Variants in L3MBTL3 observed in about 807,000 individuals in gnomAD.
L3MBTL3 encodes lethal(3)malignant brain tumor-like protein 3.
L3MBTL3 carries 27 observed loss-of-function variants against 102.3 expected under a neutral mutation model. The observed-to-expected ratio is 0.26, with a 90% CI of 0.19 to 0.36. The LOEUF is 0.36. Ranked by LOEUF, L3MBTL3 falls within the 10% of genes least tolerant of loss-of-function variation. L3MBTL3 has a pLI of 1.00. For missense variants in L3MBTL3, 798 were observed against 955.3 expected (o/e 0.84, Z 2.17); for synonymous variants, 340 against 320.9 (o/e 1.06, Z -0.64).
chr6:130,065,694 G>A (rs1782200692), intron 10 of L3MBTL3, among the ~76,000 whole-genome samples: 1 of 152,144 alleles, frequency 6.6e-6, no homozygotes, highest in Non-Finnish European at 1.5e-5. Context: ...CTCTCTCTAA[G>A]AATCCAGGGC....
intron 16 of L3MBTL3, among the ~76,000 whole-genome samples, chr6:130,091,565 G>C (rs1784051882): frequency 6.6e-6 from 1 of 151,984 alleles, no homozygotes; most frequent in African/African-American, 2.4e-5. Flanking sequence ...TTTATAATAA[G>C]ACATATCTTT....
At chr6:130,099,326 A>T (rs1784550669) in intron 18 of L3MBTL3, among the ~76,000 whole-genome samples, 1 of 152,318 alleles carries the variant, frequency 6.6e-6, no homozygotes, top group African/African-American at 2.4e-5. Context: ...ATGACAGAAC[A>T]TACACACGTT....
intron 3 of L3MBTL3, among the ~76,000 whole-genome samples, chr6:130,043,048 T>C (rs1780521650): frequency 6.6e-6 from 1 of 152,174 alleles, no homozygotes; most frequent in Non-Finnish European, 1.5e-5. Context: ...TTCGCAGAAA[T>C]TGATTTATAG....
chr6:130,053,030 A>G, intron 7 of L3MBTL3, 39 bp downstream of exon 7: 1 of 1,472,866 alleles, frequency 6.8e-7, no homozygotes, highest in Non-Finnish European at 9.5e-7. Flanking sequence ...ACAGGGATGC[A>G]TCTTTAGTGG....
chr6:130,094,116 A>G, intron 17 of L3MBTL3, 149 bp from the exon 18 acceptor site: 1 of 495,384 alleles, frequency 2.0e-6, no homozygotes, highest in South Asian at 4.0e-5. Flanking sequence ...TCATTTTTAT[A>G]GGATCTACTT....
At chr6:130,076,308 A>T (rs961571011) in intron 13 of L3MBTL3, among the ~76,000 whole-genome samples, 2 of 152,184 alleles carry the variant, frequency 1.3e-5, no homozygotes, top group African/African-American at 4.8e-5. Flanking sequence ...GCATGTGTGC[A>T]TTAGTTTTTG....
At chr6:130,109,907 T>C (rs1464362168) in intron 19 of L3MBTL3, among the ~76,000 whole-genome samples, 2 of 152,252 alleles carry the variant, frequency 1.3e-5, no homozygotes, top group Non-Finnish European at 2.9e-5. Context: ...GTTTCTGTTT[T>C]CTGCATATGG....
rs1222228091 is a variant in L3MBTL3 at position 130,068,365 on chromosome 6, C to A, written c.1036C>A (p.Leu346Ile). 6.2e-7 allele frequency: 1 copy of A among 1,604,944 alleles called. No homozygotes were observed. The highest frequency in any genetic ancestry group is 1.7e-5 in the Admixed American group (1 of 59,990). The change falls in exon 12 of 23, where the codon CTT (leucine) becomes ATT (isoleucine). Residue 346 changes from leucine to isoleucine, a missense_variant. Transcript: ENST00000361794. ...KEEEFNWQTY[L>I]KTCKAQAAPK... Reference sequence around the variant, plus strand: ...AGAAGAATTCAATTGGCAGACCTATCTTAAGACATGTAAAGCTCAAGCTGC... The same window carrying A: ...AGAAGAATTCAATTGGCAGACCTATATTAAGACATGTAAAGCTCAAGCTGC...
intron 11 of L3MBTL3, among the ~76,000 whole-genome samples, chr6:130,068,093 T>TC (rs1782384238): frequency 1.3e-5 from 2 of 152,234 alleles, no homozygotes; most frequent in Non-Finnish European, 2.9e-5. Flanking sequence ...CATATTTGTT[T>TC]CCTTATTCCT....
chr6:130,114,184 A>G (rs1785521511), intron 19 of L3MBTL3, among the ~76,000 whole-genome samples: 1 of 152,200 alleles, frequency 6.6e-6, no homozygotes, highest in African/African-American at 2.4e-5. Context: ...TACCCCAAAG[A>G]GTAGCTTAGT....
intron 2 of L3MBTL3, among the ~76,000 whole-genome samples, chr6:130,031,427 A>G (rs1779717065): frequency 6.6e-6 from 1 of 152,260 alleles, no homozygotes; most frequent in South Asian, 2.1e-4. Context: ...TGCCAAGGCT[A>G]AGTGACTCTG....
At chr6:130,036,000 G>A (rs1780034318) in intron 2 of L3MBTL3, among the ~76,000 whole-genome samples, 2 of 152,082 alleles carry the variant, frequency 1.3e-5, no homozygotes, top group South Asian at 4.2e-4. Flanking sequence ...GTGTGTGTGT[G>A]TGTGTGTGTG....
intron 1 of L3MBTL3, among the ~76,000 whole-genome samples, chr6:130,020,984 G>A (rs1414618720): frequency 6.6e-6 from 1 of 151,848 alleles, no homozygotes; most frequent in Non-Finnish European, 1.5e-5. Context: ...TAAGAATTTG[G>A]GGTGGGGGGG....
intron 2 of L3MBTL3, among the ~76,000 whole-genome samples, chr6:130,033,356 G>GT (rs138862235): frequency 0.025 from 3,874 of 152,304 alleles, 84 homozygotes; most frequent in Non-Finnish European, 0.039. Flanking sequence ...TTAACGGTTA[G>GT]TGAGTGAAGA....
At chr6:130,091,758 G>A (rs1465200434) in intron 16 of L3MBTL3, among the ~76,000 whole-genome samples, 1 of 152,128 alleles carries the variant, frequency 6.6e-6, no homozygotes, top group South Asian at 2.1e-4. Context: ...GCCAGGCACA[G>A]AAAGACAAAT....
In L3MBTL3 at chr6:130,081,482, A is replaced by G. The variant is rs1211310597; in HGVS notation, c.1322-2138A>G. On this transcript the variant is annotated intron_variant, in intron 14 of 22. Coordinates refer to ENST00000361794, the MANE Select transcript of L3MBTL3 (RefSeq NM_032438.4). ...TGCCCAGGCAGGAGTGCAGTGGTACAATCTTGGCTCACTGTAAATTCCGCC... is the reference window on the plus strand; with the variant it reads ...TGCCCAGGCAGGAGTGCAGTGGTACGATCTTGGCTCACTGTAAATTCCGCC... Among the ~76,000 whole-genome samples, 4 of 151,556 alleles carry G rather than the reference A, an allele frequency of 2.6e-5. No homozygotes were observed. The South Asian group carries it at 8.3e-4, about 32-fold the overall frequency.
At chr6:130,066,295 TATATATATGA>T in intron 10 of L3MBTL3, 48 bp from the exon 11 acceptor site, 1 of 627,396 alleles carries the variant, frequency 1.6e-6, no homozygotes, top group Non-Finnish European at 2.5e-6. Context: ...TGTATATATA[TATATATATGA>T]ATATTCTGAG....
At chr6:130,024,554 T>G (rs953261) in intron 2 of L3MBTL3, among the ~76,000 whole-genome samples, 5,344 of 152,260 alleles carry the variant, frequency 0.035, 256 homozygotes, top group East Asian at 0.11. Context: ...AGTTTATTTT[T>G]AAGAATTCCA....
chr6:130,019,839 G>GGCTGCTTTT (rs1778828763), intron 1 of L3MBTL3, among the ~76,000 whole-genome samples: 7 of 146,562 alleles, frequency 4.8e-5, no homozygotes, highest in Non-Finnish European at 1.1e-4. Context: ...GGCGGCGCGG[G>GGCTGCTTTT]CCCGCGGCGG....
Sources: gnomAD v4.1 joint callset for allele counts (sites outside exome capture counted in the v4.1 genomes callset) on GRCh38, gnomAD v4.1.1 for gene constraint, MANE v1.5 for transcripts, NCBI Gene and HGNC (gene_info 2026-07-23, HGNC 2026-07-21) for gene names.